Variants in TMX4 observed in about 807,000 individuals in gnomAD.
The protein encoded by TMX4 is thioredoxin-related transmembrane protein 4.
A neutral mutation model predicts 33.3 loss-of-function variants in TMX4; 23 were observed. The observed-to-expected ratio is 0.69, with a 90% CI of 0.50 to 0.98. The LOEUF is 0.98. Among genes scored for constraint, TMX4 ranks in the 50% least tolerant of loss-of-function variants. The pLI is 0.00. For synonymous variants in TMX4, 164 were observed against 161.5 expected (o/e 1.02, Z -0.12); for missense variants, 399 against 448.9 (o/e 0.89, Z 1.01).
rs1368988452 is a variant in TMX4, at chr20:7,999,800, A to T, written c.399T>A (p.Asn133Lys). The T allele has an allele frequency of 1.2e-6, 2 of 1,613,838 alleles. No individual in the cohort carries two copies. The highest frequency in any genetic ancestry group is 1.7e-6 in the Non-Finnish European group (2 of 1,179,880). The change falls in exon 4 of 8, where the codon AAT (asparagine) becomes AAA (lysine). Residue 133 changes from asparagine to lysine, a missense_variant. Coordinates refer to ENST00000246024, the MANE Select transcript of TMX4 (RefSeq NM_021156.4). ...RGPGIFEDLQNYILEKKWQSV... is the reference protein window; with the variant it reads ...RGPGIFEDLQKYILEKKWQSV... Reference sequence around the variant, plus strand: ...ATTGCCATTTCTTCTCTAAGATATAATTCTGCAGGTCTTCGAAGATTCCTG... The same window carrying T: ...ATTGCCATTTCTTCTCTAAGATATATTTCTGCAGGTCTTCGAAGATTCCTG...
At chr20:8,006,074 AAC>A (rs907168007) in intron 2 of TMX4, among the ~76,000 whole-genome samples, 1 of 152,162 alleles carries the variant, frequency 6.6e-6, no homozygotes, top group African/African-American at 2.4e-5. Context: ...AGCACACGGT[AAC>A]ACACGCCCAC....
intron 1 of TMX4, 172 bp downstream of exon 1, chr20:8,019,266 A>C: frequency 2.7e-6 from 2 of 733,416 alleles, no homozygotes; most frequent in Non-Finnish European, 4.1e-6. Context: ...GCCCAGCGGC[A>C]GTGCAGGATC....
At chr20:7,995,961 T>A in intron 5 of TMX4, 65 bp downstream of exon 5, 1 of 1,323,590 alleles carries the variant, frequency 7.6e-7, no homozygotes, top group South Asian at 1.3e-5. Flanking sequence ...TTCCTATTGC[T>A]TAAAAGCTGT....
rs896946725 is a variant in TMX4 at position 7,980,594 on chromosome 20, T to C, written c.*1657A>G. On this transcript the variant is annotated 3_prime_UTR_variant, in exon 8 of 8. Transcript: ENST00000246024. The stretch of plus-strand genomic sequence containing the variant: ...CATCAGCCCAGTGATGGCCTCGATT[T>C]TGAAGCTGCACTACTGTCTGAAAAG... The C allele has an allele frequency of 6.6e-6, 1 of 152,296 alleles. No homozygotes were observed. Among genetic ancestry groups the C allele is most frequent in the Non-Finnish European group, 1.5e-5 (1 of 68,094 alleles). The allele number at this position is 152,296 out of a possible 1,614,324, so 9.4% of individuals were successfully genotyped here.
intron 1 of TMX4, 101 bp from the exon 2 acceptor site, chr20:8,010,416 G>A: frequency 1.3e-6 from 1 of 740,938 alleles, no homozygotes; most frequent in Non-Finnish European, 1.9e-6. Context: ...ATTAAAAAAG[G>A]GAAATTATAA....
chr20:7,982,621 T>C lies in TMX4; in HGVS notation c.680A>G (p.Glu227Gly), dbSNP rs1320479791. 6.2e-7 allele frequency: 1 copy of C among 1,607,026 alleles called. No individual in the cohort carries two copies. Among genetic ancestry groups the C allele is most frequent in the Non-Finnish European group, 8.5e-7 (1 of 1,177,618 alleles). Residue 227 changes from glutamate (E) to glycine (G), a missense_variant and splice_region_variant, in exon 8 of 8, where the codon GAG becomes GGG. By Grantham distance (98) the Glu-to-Gly change is moderately conservative (BLOSUM62 -2). Coordinates refer to ENST00000246024, the MANE Select transcript of TMX4 (RefSeq NM_021156.4). ...AGCCTCCTCTGATCTCCGATTCTGC[T>C]CTATGGAGGGAAGAAAGAGGAATAT... ...PLPRHLSERSEQNRRSEEAHR... is the reference protein window; with the variant it reads ...PLPRHLSERSGQNRRSEEAHR...
rs1042792164 is a variant in TMX4 at position 7,980,544 on chromosome 20, G to A, written c.*1707C>T. The A allele has an allele frequency of 6.6e-6, 1 of 152,454 alleles. No homozygotes were observed. The highest frequency in any genetic ancestry group is 2.4e-5 in the African/African-American group (1 of 41,456). The allele number at this position is 152,454 out of a possible 1,614,324, so 9.4% of individuals were successfully genotyped here. A position where few individuals can be genotyped will look rare whatever the true frequency, so the allele number is the denominator to read the frequency against. ...TGACTAAGGGGGCAGGAAACAGGCA[G>A]GCACATGGCAAGGTTCTCCCAGCCC... On this transcript the variant is annotated 3_prime_UTR_variant, in exon 8 of 8. Transcript: ENST00000246024.
rs189282476 is a variant in TMX4 at position 8,009,247 on chromosome 20, T to A, written c.292+953A>T. On this transcript the variant is annotated intron_variant, in intron 2 of 7. Transcript: ENST00000246024. ...TACAAACACAAATTTATTGTATATA[T>A]CTTTTCAGAATTTAAAAGTCTCTGT... Among the ~76,000 whole-genome samples the A allele has an allele frequency of 4.6e-5, 7 of 152,248 alleles. 1 individual carries two copies. Among genetic ancestry groups the A allele is most frequent in the Admixed American group, 4.6e-4 (7 of 15,294 alleles).
chr20:8,006,063 G>A (rs1178345933), intron 2 of TMX4, among the ~76,000 whole-genome samples: 2 of 152,158 alleles, frequency 1.3e-5, no homozygotes, highest in Non-Finnish European at 2.9e-5. Context: ...TAAACTGAAA[G>A]AGCACACGGT....
At chr20:8,003,566 C>T (rs2050716039) in intron 2 of TMX4, among the ~76,000 whole-genome samples, 1 of 152,046 alleles carries the variant, frequency 6.6e-6, no homozygotes, top group South Asian at 2.1e-4. Flanking sequence ...AGGCTTTAGT[C>T]TTAAGTCTTT....
At chr20:7,999,275 GCT>G (rs1270346739) in intron 4 of TMX4, among the ~76,000 whole-genome samples, 1 of 152,172 alleles carries the variant, frequency 6.6e-6, no homozygotes, top group African/African-American at 2.4e-5. Context: ...CAAGGCCAAA[GCT>G]ATCCCCTGTG....
In TMX4 at chr20:7,980,448, A is replaced by T. The variant is rs1458238398; in HGVS notation, c.*1803T>A. 1 of 152,220 alleles carries T rather than the reference A, an allele frequency of 6.6e-6. No individual in the cohort carries two copies. Among genetic ancestry groups the T allele is most frequent in the Non-Finnish European group, 1.5e-5 (1 of 68,094 alleles). The allele number at this position is 152,220 out of a possible 1,614,324, so 9.4% of individuals were successfully genotyped here. On this transcript the variant is annotated 3_prime_UTR_variant, in exon 8 of 8. Coordinates refer to ENST00000246024, the MANE Select transcript of TMX4 (RefSeq NM_021156.4). ...AGCTTCCTGATGTCAGGGAGATGGA[A>T]CTGCCACCATCAGAACCATGGCACT...
rs2050755079 is a variant in TMX4, at chr20:8,012,033, A to G, written c.177-1718T>C. Among the ~76,000 whole-genome samples, 5 of 152,268 alleles carry G rather than the reference A, an allele frequency of 3.3e-5. No individual in the cohort carries two copies. In the South Asian group the frequency reaches 1.0e-3, roughly 32 times the overall value. ...AAAATCATATTCTTCATCTGAGAAA[A>G]TAAGTTATTTTCTATGTAGTTTCTA... On this transcript the variant is annotated intron_variant, in intron 1 of 7. Transcript: ENST00000246024.
chr20:7,991,587 G>A (rs1432462795), intron 5 of TMX4, among the ~76,000 whole-genome samples: 1 of 152,168 alleles, frequency 6.6e-6, no homozygotes, highest in African/African-American at 2.4e-5. Flanking sequence ...TGGATTTGGG[G>A]ATGCTCAACC....
In TMX4 at chr20:7,978,211, C is replaced by T. The variant is rs191545652; in HGVS notation, c.*4040G>A. ...CACCAAGATGAGGGACACAGATAACCTATTGATACGAGCAACAGAACCAGC... is the reference window on the plus strand; with the variant it reads ...CACCAAGATGAGGGACACAGATAACTTATTGATACGAGCAACAGAACCAGC... On this transcript the variant is annotated 3_prime_UTR_variant, in exon 8 of 8. Transcript: ENST00000246024. 3 of 152,290 alleles carry T rather than the reference C, an allele frequency of 2.0e-5. No homozygotes were observed. The East Asian group carries it at 5.8e-4, about 29-fold the overall frequency. The allele number at this position is 152,290 out of a possible 1,614,324, so 9.4% of individuals were successfully genotyped here. A position where few individuals can be genotyped will look rare whatever the true frequency, so the allele number is the denominator to read the frequency against.
intron 2 of TMX4, among the ~76,000 whole-genome samples, chr20:8,002,650 T>G (rs1275678965): frequency 2.0e-5 from 3 of 152,188 alleles, no homozygotes; most frequent in Non-Finnish European, 4.4e-5. Context: ...CCATTCAAAT[T>G]AAGTTGCTCA....
intron 6 of TMX4, 75 bp downstream of exon 6, chr20:7,987,213 T>C (rs1600140364): frequency 9.4e-7 from 1 of 1,067,176 alleles, no homozygotes; most frequent in African/African-American, 1.6e-5. Context: ...TGCTTTTTCT[T>C]TCTTGGCTGC....
intron 5 of TMX4, among the ~76,000 whole-genome samples, chr20:7,991,939 GAA>G (rs1209328087): frequency 1.4e-5 from 2 of 148,016 alleles, no homozygotes; most frequent in African/African-American, 5.1e-5. Context: ...AGCCAACTGT[GAA>G]AAGAGGGAAG....
At chr20:7,987,184 C>G (rs1316766608) in intron 6 of TMX4, 104 bp downstream of exon 6, 5 of 836,776 alleles carry the variant, frequency 6.0e-6, no homozygotes, top group Non-Finnish European at 7.6e-6. Flanking sequence ...TTAGATTGCA[C>G]AAAATACTAT....
Sources: gnomAD v4.1 joint callset for allele counts (sites outside exome capture counted in the v4.1 genomes callset) on GRCh38, gnomAD v4.1.1 for gene constraint, MANE v1.5 for transcripts, NCBI Gene and HGNC (gene_info 2026-07-23, HGNC 2026-07-21) for gene names.